The following MED12L variants were observed in gnomAD, a reference collection of about 807,000 sequenced individuals.
MED12L encodes the protein mediator complex subunit 12L.
In MED12L, 60 loss-of-function variants were observed where a neutral mutation model predicts 281.3. The observed-to-expected ratio is 0.21, with a 90% CI of 0.17 to 0.26. The LOEUF is 0.26. MED12L is among the 10% of genes least tolerant of loss of function. The pLI is 1.00. For synonymous variants in MED12L, 974 were observed against 987.2 expected, an observed-to-expected ratio of 0.99 and a Z score of 0.25; for missense variants, 2,146 against 2,680.9, an observed-to-expected ratio of 0.80 and a Z score of 4.41.
At chr3:151,091,168 A>G (rs1719995234) in intron 2 of MED12L, among the ~76,000 whole-genome samples, 1 of 152,302 alleles carries the variant, frequency 6.6e-6, no homozygotes, top group Non-Finnish European at 1.5e-5. Flanking sequence ...GATTTCCGGG[A>G]ATCAGGAGCT....
rs190448762 is a variant in MED12L, at chr3:151,352,731, A to T, written c.2399-2390A>T. Among the ~76,000 whole-genome samples the T allele has an allele frequency of 4.8e-4, 73 of 152,340 alleles. 1 individual carries two copies. The South Asian group carries it at 0.012, about 26-fold the overall frequency. ...AAATAACATTTCCAGTTGAATGATC[A>T]AAGTTCATTTTTCATTTGCCTTGAC... On this transcript the variant is annotated intron_variant, in intron 17 of 44. Coordinates refer to ENST00000687756, the MANE Select transcript of MED12L (RefSeq NM_001393769.1).
At chr3:151,400,885 A>G (rs141263372) in intron 39 of MED12L, among the ~76,000 whole-genome samples, 1 of 152,184 alleles carries the variant, frequency 6.6e-6, no homozygotes, top group Non-Finnish European at 1.5e-5. Context: ...ATTAAATAAT[A>G]TTCTTCCATA....
intron 38 of MED12L, 140 bp downstream of exon 38, chr3:151,390,275 C>A: frequency 2.5e-6 from 2 of 792,524 alleles, no homozygotes; most frequent in Middle Eastern, 2.4e-4. Context: ...TCCCTTCACA[C>A]AGAAATGTTT....
intron 39 of MED12L, 126 bp downstream of exon 39, chr3:151,394,993 C>A: frequency 8.2e-7 from 1 of 1,214,738 alleles, no homozygotes; most frequent in South Asian, 1.5e-5. Context: ...GAGTGCAGGT[C>A]TATCTCTCTG....
At chr3:151,233,644 A>G (rs1559912859) in intron 16 of MED12L, among the ~76,000 whole-genome samples, 1 of 152,216 alleles carries the variant, frequency 6.6e-6, no homozygotes, top group East Asian at 1.9e-4. Flanking sequence ...GAGGCAGGAG[A>G]ATCACTTGAA....
intron 16 of MED12L, among the ~76,000 whole-genome samples, chr3:151,254,319 C>G (rs1452557690): frequency 6.6e-6 from 1 of 152,264 alleles, no homozygotes; most frequent in South Asian, 2.1e-4. Flanking sequence ...ATCTTTCATT[C>G]ACGTAACTAG....
chr3:151,294,870 A>G (rs902019919), intron 16 of MED12L: 29 of 1,614,072 alleles, frequency 1.8e-5, no homozygotes, highest in Non-Finnish European at 2.5e-5. Context: ...ATGGAAGTAT[A>G]CATGTTTGCA....
At chr3:151,267,691 AAGTC>A (rs910846272) in intron 16 of MED12L, among the ~76,000 whole-genome samples, 1 of 152,096 alleles carries the variant, frequency 6.6e-6, no homozygotes, top group Middle Eastern at 3.2e-3. Flanking sequence ...TTATATATAT[AAGTC>A]AGTTTTCAAC....
intron 2 of MED12L, among the ~76,000 whole-genome samples, chr3:151,089,349 A>G (rs956070469): frequency 1.3e-5 from 2 of 151,986 alleles, no homozygotes; most frequent in Non-Finnish European, 2.9e-5. Flanking sequence ...TCCATTAGAG[A>G]TAGCTGTGGT....
At chr3:151,101,821 G>A (rs1016857720) in intron 2 of MED12L, among the ~76,000 whole-genome samples, 1 of 152,130 alleles carries the variant, frequency 6.6e-6, no homozygotes, top group Non-Finnish European at 1.5e-5. Context: ...GGAGGGAGAC[G>A]ACTCTAGTAA....
intron 20 of MED12L, among the ~76,000 whole-genome samples, chr3:151,359,757 C>T (rs147218021): frequency 1.0e-3 from 158 of 152,108 alleles, no homozygotes; most frequent in African/African-American, 3.4e-3. Context: ...ATGGCTGAGC[C>T]CTGTAACAAA....
chr3:151,265,864 C>T (rs1739728272), intron 16 of MED12L, among the ~76,000 whole-genome samples: 1 of 152,138 alleles, frequency 6.6e-6, no homozygotes, highest in South Asian at 2.1e-4. Context: ...TCTCTTGGTC[C>T]TTTTCAGGGA....
At chr3:151,213,384 G>A in intron 16 of MED12L, 1 of 1,613,786 alleles carries the variant, frequency 6.2e-7, no homozygotes, top group African/African-American at 1.3e-5. Flanking sequence ...TTAATGGAAT[G>A]TGCAATTTCT....
At chr3:151,344,076 G>A (rs1370372181) in intron 16 of MED12L, among the ~76,000 whole-genome samples, 2 of 152,000 alleles carry the variant, frequency 1.3e-5, no homozygotes, top group Non-Finnish European at 2.9e-5. Context: ...CGAGTCTTGG[G>A]CATTGAAATA....
rs761984602 is a variant in MED12L at position 151,190,875 on chromosome 3, C to T, written c.1912C>T (p.Pro638Ser). The part of the protein sequence containing the change: ...SVTASTRPRS[P>S]VGENADEHYS... ...CACTGCCTCAACTCGGCCGCGGTCA[C>T]CAGTAGGGGAAAATGCAGATGAACA... Residue 638 changes from proline to serine, a missense_variant, in exon 14 of 45, where the codon CCA (proline) becomes TCA (serine). Pro to Ser is a moderately conservative substitution (Grantham distance 74, BLOSUM62 -1). Coordinates refer to ENST00000687756, the MANE Select transcript of MED12L (RefSeq NM_001393769.1). The T allele has an allele frequency of 1.9e-6, 3 of 1,614,068 alleles. No homozygotes were observed. Among genetic ancestry groups the T allele is most frequent in the Non-Finnish European group, 2.5e-6 (3 of 1,180,012 alleles).
intron 5 of MED12L, among the ~76,000 whole-genome samples, chr3:151,150,399 A>G (rs1194604462): frequency 6.6e-6 from 1 of 152,170 alleles, no homozygotes. Flanking sequence ...GGGCTTAAAA[A>G]TATTCTGTAA....
chr3:151,307,538 T>G (rs1272095595), intron 16 of MED12L, among the ~76,000 whole-genome samples: 1 of 630 alleles, frequency 1.6e-3, no homozygotes, highest in Admixed American at 0.02. Context: ...TTGCTCTGTG[T>G]GTGTGTGTGT....
At chr3:151,414,950 A>G in intron 42 of MED12L, among the ~76,000 whole-genome samples, 1 of 152,160 alleles carries the variant, frequency 6.6e-6, no homozygotes, top group East Asian at 1.9e-4. Flanking sequence ...TGTTATGACT[A>G]TTATCATTAC....
chr3:151,304,592 G>A (rs1341267968), intron 16 of MED12L, among the ~76,000 whole-genome samples: 2 of 106,448 alleles, frequency 1.9e-5, no homozygotes, highest in Non-Finnish European at 4.1e-5. Context: ...TTTCCAGCTT[G>A]GATTAAAAAA....
Sources: allele counts gnomAD v4.1 joint callset (sites outside exome capture counted in the v4.1 genomes callset), GRCh38; gene constraint gnomAD v4.1.1; transcripts MANE v1.5; gene names NCBI Gene and HGNC (gene_info 2026-07-23, HGNC 2026-07-21).